The following KIAA1549L variants were observed in gnomAD, a reference collection of about 807,000 sequenced individuals.
The protein encoded by KIAA1549L is UPF0606 protein KIAA1549L.
KIAA1549L carries 88 observed loss-of-function variants against 160.7 expected under a neutral mutation model. That is an observed-to-expected ratio of 0.55 (90% CI 0.46 to 0.65). The LOEUF (loss-of-function observed/expected upper bound fraction) is 0.65. Ranked by LOEUF, KIAA1549L falls within the 30% of genes least tolerant of loss-of-function variation. The pLI is 0.00. For synonymous variants in KIAA1549L, 950 were observed against 976.7 expected, an observed-to-expected ratio of 0.97 and a Z score of 0.51; for missense variants, 2,258 against 2,437.5, an observed-to-expected ratio of 0.93 and a Z score of 1.55.
intron 13 of KIAA1549L, among the ~76,000 whole-genome samples, chr11:33,603,605 G>A (rs1222784884): frequency 2.1e-4 from 32 of 151,984 alleles, no homozygotes; most frequent in Non-Finnish European, 2.6e-4. Flanking sequence ...TCAGGAGTTC[G>A]AGACCAGCCT....
At chr11:33,492,205 A>C (rs570609611) in intron 1 of KIAA1549L, among the ~76,000 whole-genome samples, 1 of 152,260 alleles carries the variant, frequency 6.6e-6, no homozygotes, top group East Asian at 1.9e-4. Context: ...CATCTCTACC[A>C]AAAAATACAA....
At chr11:33,380,106 C>T (rs945576051) in intron 1 of KIAA1549L, among the ~76,000 whole-genome samples, 2 of 152,158 alleles carry the variant, frequency 1.3e-5, no homozygotes, top group African/African-American at 4.8e-5. Flanking sequence ...GAGCACAGGG[C>T]GCTGTGGGGA....
chr11:33,409,628 C>A (rs1350769801), intron 1 of KIAA1549L, among the ~76,000 whole-genome samples: 1 of 152,128 alleles, frequency 6.6e-6, no homozygotes, highest in East Asian at 1.9e-4. Flanking sequence ...CTTACTTTTT[C>A]CTTTCTCTTC....
chr11:33,499,697 A>G (rs1384261886), intron 1 of KIAA1549L, among the ~76,000 whole-genome samples: 1 of 152,212 alleles, frequency 6.6e-6, no homozygotes, highest in African/African-American at 2.4e-5. Flanking sequence ...GATCCAGCCC[A>G]TCATTTCATC....
intron 14 of KIAA1549L, among the ~76,000 whole-genome samples, chr11:33,609,106 G>C (rs1369623543): frequency 6.6e-6 from 1 of 152,234 alleles, no homozygotes; most frequent in Non-Finnish European, 1.5e-5. Context: ...CCTTCTGAAA[G>C]ACCAGACTGC....
intron 1 of KIAA1549L, among the ~76,000 whole-genome samples, chr11:33,378,452 G>T (rs1273598536): frequency 1.3e-5 from 2 of 152,144 alleles, no homozygotes; most frequent in Non-Finnish European, 2.9e-5. Context: ...TGATTTAGAG[G>T]ACTTCTCATC....
chr11:33,548,586 G>A (rs1482105563), intron 4 of KIAA1549L, among the ~76,000 whole-genome samples: 1 of 152,154 alleles, frequency 6.6e-6, no homozygotes, highest in Non-Finnish European at 1.5e-5. Flanking sequence ...AAATTATCCT[G>A]ACTTGTAAAT....
intron 4 of KIAA1549L, among the ~76,000 whole-genome samples, chr11:33,549,901 A>G (rs561841395): frequency 2.0e-5 from 3 of 152,088 alleles, no homozygotes; most frequent in South Asian, 2.1e-4. Flanking sequence ...GCTACTCGAG[A>G]GGCTGAGGTG....
chr11:33,612,835 A>G (rs1000468250), intron 15 of KIAA1549L, among the ~76,000 whole-genome samples: 3 of 152,208 alleles, frequency 2.0e-5, no homozygotes, highest in Non-Finnish European at 2.9e-5. Flanking sequence ...GCACCCACTT[A>G]TAAGTGAGAA....
intron 1 of KIAA1549L, among the ~76,000 whole-genome samples, chr11:33,433,891 G>C (rs183110752): frequency 3.3e-5 from 5 of 152,200 alleles, no homozygotes; most frequent in Non-Finnish European, 7.4e-5. Flanking sequence ...TGAACATTGA[G>C]AACACATGGA....
At chr11:33,480,197 T>G (rs904708743) in intron 1 of KIAA1549L, among the ~76,000 whole-genome samples, 2 of 152,166 alleles carry the variant, frequency 1.3e-5, no homozygotes, top group Non-Finnish European at 2.9e-5. Flanking sequence ...TAGAACATTT[T>G]CCTCTTCCCC....
Position 33,511,601 on chromosome 11 carries a change from C to T in KIAA1549L, c.239-30201C>T, listed in dbSNP as rs566309310. Among the ~76,000 whole-genome samples the T allele has an allele frequency of 1.1e-4, 16 of 152,292 alleles. No homozygotes were observed. The East Asian group carries it at 1.9e-3, about 18-fold the overall frequency. ...GCGTGGTTGCCCAGGTGAATCTGAG[C>T]TATCTGGTAAAATGCAGAGCCTTGG... On this transcript the variant is annotated intron_variant, in intron 1 of 20. Transcript: ENST00000658780.
At chr11:33,571,960 A>G (rs969031672) in intron 9 of KIAA1549L, among the ~76,000 whole-genome samples, 3 of 152,252 alleles carry the variant, frequency 2.0e-5, no homozygotes, top group South Asian at 4.2e-4. Flanking sequence ...TTTCTTCAAC[A>G]TGCTGGTTTC....
chr11:33,376,494 C>G lies in KIAA1549L; in HGVS notation c.-158C>G, dbSNP rs1050357911. 3 of 147,960 alleles carry G rather than the reference C, an allele frequency of 2.0e-5. 1 individual carries two copies. The East Asian group carries it at 6.0e-4, about 29-fold the overall frequency. The allele number at this position is 147,960 out of a possible 1,614,324, so 9.2% of individuals were successfully genotyped here. Reference sequence around the variant, plus strand: ...GCGGCTCCCTGGAGCCCGCCCCGGGCGCGGCAGGACGAGCGAGCCAGTCGC... The same window carrying G: ...GCGGCTCCCTGGAGCCCGCCCCGGGGGCGGCAGGACGAGCGAGCCAGTCGC... On this transcript the variant is annotated 5_prime_UTR_variant, in exon 1 of 21. Coordinates refer to ENST00000658780, the MANE Select transcript of KIAA1549L (RefSeq NM_012194.3). The surrounding 1 kb of genome is among the most constrained non-coding windows in gnomAD (Gnocchi z 5.8).
chr11:33,485,912 TA>T (rs1565155364), intron 1 of KIAA1549L, among the ~76,000 whole-genome samples: 1 of 152,186 alleles, frequency 6.6e-6, no homozygotes, highest in Non-Finnish European at 1.5e-5. Context: ...TCACTTGATA[TA>T]ATGTCCTCCA....
rs764033499 is a variant in KIAA1549L at position 33,646,757 on chromosome 11, CAAG to C, written c.5760+724_5760+726del. 4.6e-5 allele frequency among the ~76,000 whole-genome samples: 7 copies of C among 152,306 alleles called. No homozygotes were observed. The South Asian group carries it at 1.5e-3, about 32-fold the overall frequency. The stretch of plus-strand genomic sequence containing the variant: ...CACACTCGTCATTGATTTTTGCAGC[CAAG>C]AATAATTATTTCAAAACAATTATGC... On this transcript the variant is annotated intron_variant, in intron 17 of 20. Coordinates refer to ENST00000658780, the MANE Select transcript of KIAA1549L (RefSeq NM_012194.3).
intron 1 of KIAA1549L, among the ~76,000 whole-genome samples, chr11:33,533,038 C>T (rs1853810180): frequency 6.6e-6 from 1 of 152,160 alleles, no homozygotes; most frequent in Non-Finnish European, 1.5e-5. Context: ...AAGTAGCAGA[C>T]TCTGGGGTCT....
At chr11:33,396,090 TG>T (rs1395129749) in intron 1 of KIAA1549L, among the ~76,000 whole-genome samples, 1 of 152,142 alleles carries the variant, frequency 6.6e-6, no homozygotes, top group East Asian at 1.9e-4. Flanking sequence ...GTTGTGTCTT[TG>T]CTAGTTATTA....
intron 16 of KIAA1549L, among the ~76,000 whole-genome samples, chr11:33,632,180 C>A (rs7947213): frequency 0.034 from 5,131 of 152,246 alleles, 206 homozygotes; most frequent in East Asian, 0.19. Flanking sequence ...TTGGTTGGGG[C>A]CCCAGTCTGT....
Sources: allele counts gnomAD v4.1 joint callset (sites outside exome capture counted in the v4.1 genomes callset), GRCh38; gene constraint gnomAD v4.1.1; non-coding constraint Gnocchi (gnomAD v3.1); transcripts MANE v1.5; gene names NCBI Gene and HGNC (gene_info 2026-07-23, HGNC 2026-07-21).